Variants in HYOU1 observed in about 807,000 individuals in gnomAD.
HYOU1 encodes the protein hypoxia up-regulated 1.
HYOU1 carries 40 observed loss-of-function variants against 120.5 expected under a neutral mutation model. The observed-to-expected ratio is 0.33, with a 90% CI of 0.26 to 0.43. HYOU1 has a LOEUF of 0.43. Ranked by LOEUF, HYOU1 falls within the 20% of genes least tolerant of loss-of-function variation. The pLI is 1.00. For synonymous variants in HYOU1, 501 were observed against 479.4 expected (o/e 1.05, Z -0.59); for missense variants, 1,085 against 1,278.3 (o/e 0.85, Z 2.31).
In HYOU1 at chr11:119,048,879, C is replaced by A; in HGVS notation, c.2000G>T (p.Ser667Ile). Reference protein sequence around the residue: ...NGDKSEAQKPSEKAEAGPEGV... With the variant: ...NGDKSEAQKPIEKAEAGPEGV... ...CTCAGGCCCTGCCTCTGCCTTCTCA[C>A]TTGGTTTCTGGGTGGGAAGAGTCAG... Residue 667 changes from serine to isoleucine, a missense_variant, in exon 18 of 26, where the codon AGT becomes ATT. By Grantham distance (142) the Ser-to-Ile change is moderately radical. Coordinates refer to ENST00000617285, the MANE Select transcript of HYOU1 (RefSeq NM_006389.5). The surrounding 1 kb of genome is among the most constrained non-coding windows in gnomAD (Gnocchi z 4.7). 6.2e-7 allele frequency: 1 copy of A among 1,606,332 alleles called. No individual in the cohort carries two copies. Among genetic ancestry groups the A allele is most frequent in the Non-Finnish European group, 8.5e-7 (1 of 1,176,676 alleles).
rs1182971434 is a variant in HYOU1 at position 119,055,543 on chromosome 11, C to T, written c.214G>A (p.Val72Met). 5 of 1,613,914 alleles carry T rather than the reference C, an allele frequency of 3.1e-6. No homozygotes were observed. Among genetic ancestry groups the T allele is most frequent in the East Asian group, 2.2e-5 (1 of 44,892 alleles). ...AATCTTTCATTTTCTTTCAGGGTCA[C>T]GATCACCGGTGTTTTCCTCCGAGAT... Reference protein sequence around the residue: ...KESRRKTPVIVTLKENERFFG... With the variant: ...KESRRKTPVIMTLKENERFFG... The change falls in exon 4 of 26, where the codon GTG becomes ATG. Residue 72 changes from valine to methionine, a missense_variant. Physicochemically the swap from Val to Met is conservative, Grantham distance 21. Transcript: ENST00000617285. This position sits in a 1 kb window ranked among gnomAD's most constrained non-coding sequence, Gnocchi z 4.0.
In HYOU1 at chr11:119,048,640, T is replaced by G; in HGVS notation, c.2165+74A>C. 1 of 1,607,194 alleles carries G rather than the reference T, an allele frequency of 6.2e-7. No individual in the cohort carries two copies. The highest frequency in any genetic ancestry group is 1.1e-5 in the South Asian group (1 of 90,602). On this transcript the variant is annotated intron_variant, in intron 18 of 25. Coordinates refer to ENST00000617285, the MANE Select transcript of HYOU1 (RefSeq NM_006389.5). The surrounding 1 kb of genome is among the most constrained non-coding windows in gnomAD (Gnocchi z 4.7). ...AGACTCTGGGTCCGACAGCCCTCCC[T>G]CCCAGGGCGCCATCCCACATCCTGC...
chr11:119,056,836 A>G (rs1944805120), intron 1 of HYOU1, 184 bp downstream of exon 1: 1 of 177,568 alleles, frequency 5.6e-6, no homozygotes, highest in African/African-American at 2.4e-5. Flanking sequence ...ACTCCCGGAA[A>G]CGGATCCCGG....
Position 119,057,180 on chromosome 11 carries a change from G to T in HYOU1, c.-168C>A, listed in dbSNP as rs1235312272. The T allele has an allele frequency of 2.0e-5, 3 of 151,180 alleles. No individual in the cohort carries two copies. The allele number at this position is 151,180 out of a possible 1,614,324, so 9.4% of individuals were successfully genotyped here. A position where few individuals can be genotyped will look rare whatever the true frequency, so the allele number is the denominator to read the frequency against. ...CTCGGCGGCGTCTCGCGCACCAGCC[G>T]GCCCCGGACGCGGCGCGCGCTCATT... On this transcript the variant is annotated 5_prime_UTR_variant, in exon 1 of 26. Coordinates refer to ENST00000617285, the MANE Select transcript of HYOU1 (RefSeq NM_006389.5).
chr11:119,046,265 CTTTTT>C (rs11349624), intron 24 of HYOU1, 147 bp downstream of exon 24: 229 of 494,204 alleles, frequency 4.6e-4, no homozygotes, highest in East Asian at 1.6e-3. Context: ...CGTGCCTGGC[CTTTTT>C]TTTTTTTTTT....
At chr11:119,049,297 C>T in intron 16 of HYOU1, 94 bp from the exon 17 acceptor site, 2 of 1,576,458 alleles carry the variant, frequency 1.3e-6, no homozygotes, top group Middle Eastern at 1.7e-4. Context: ...GGGTTCCATA[C>T]AGGTGACTGC....
At position 119,054,616 on chromosome 11, in the gene HYOU1, G is replaced by A. The variant is rs2133606251; in HGVS notation, c.556C>T (p.Arg186Ter). 1.9e-6 allele frequency: 3 copies of A among 1,614,056 alleles called. No homozygotes were observed. Among genetic ancestry groups the A allele is most frequent in the Non-Finnish European group, 1.7e-6 (2 of 1,180,030 alleles). ...ATACGAGCAGCCTGCAGCACAGCTCGGCGCTCGGCCTGGTTGAAGAAGACT... is the reference window on the plus strand; with the variant it reads ...ATACGAGCAGCCTGCAGCACAGCTCAGCGCTCGGCCTGGTTGAAGAAGACT... ...VPVFFNQAERRAVLQAARMAG... is the reference protein window; with the variant it reads ...VPVFFNQAER Residue 186 changes from arginine (R) to a stop codon, truncating the protein, a stop_gained, in exon 7 of 26, where the codon CGA (arginine) becomes TGA (stop). Coordinates refer to ENST00000617285, the MANE Select transcript of HYOU1 (RefSeq NM_006389.5). LOFTEE classifies it high-confidence loss of function.
In HYOU1 at chr11:119,052,860, G is replaced by A. The variant is rs1944528523; in HGVS notation, c.795-31C>T. On this transcript the variant is annotated intron_variant, in intron 8 of 25. Transcript: ENST00000617285. This position sits in a 1 kb window ranked among gnomAD's most constrained non-coding sequence, Gnocchi z 5.0. ...GAGAAAAGGGAGCAGGGAAAAAAGT[G>A]AAGAACACATGGAGTCCCCGCATCT... 1.9e-6 allele frequency: 3 copies of A among 1,593,862 alleles called. No homozygotes were observed. Among genetic ancestry groups the A allele is most frequent in the Non-Finnish European group, 1.7e-6 (2 of 1,168,700 alleles).
rs2133563341 is a variant in HYOU1, at chr11:119,048,372, TG to T, written c.2254-3del. On this transcript the variant is annotated splice_polypyrimidine_tract_variant and splice_region_variant and intron_variant, in intron 19 of 25. Transcript: ENST00000617285. The surrounding 1 kb of genome is among the most constrained non-coding windows in gnomAD (Gnocchi z 4.7). ...GTACTCGGGCTGGTACAGCTTGTCC[TG>T]GGGAGGGGGACATGTAAACACATGC... 8 of 1,609,598 alleles carry T rather than the reference TG, an allele frequency of 5.0e-6. No individual in the cohort carries two copies. Among genetic ancestry groups the T allele is most frequent in the Non-Finnish European group, 5.1e-6 (6 of 1,179,814 alleles).
At position 119,052,896 on chromosome 11, in the gene HYOU1, C is replaced by T; in HGVS notation, c.795-67G>A. The T allele has an allele frequency of 7.1e-7, 1 of 1,415,990 alleles. No individual in the cohort carries two copies. 87.7% of individuals were successfully genotyped at this position (1,415,990 alleles called of 1,614,324 possible). On this transcript the variant is annotated intron_variant, in intron 8 of 25. Transcript: ENST00000617285. This position sits in a 1 kb window ranked among gnomAD's most constrained non-coding sequence, Gnocchi z 5.0. ...GGAGTCCCCGCATCTGCACAGGAGCCTCTCATCCCCACATGGCACCTTTCC... is the reference window on the plus strand; with the variant it reads ...GGAGTCCCCGCATCTGCACAGGAGCTTCTCATCCCCACATGGCACCTTTCC...
At chr11:119,049,880 C>CT in intron 14 of HYOU1, 43 bp from the exon 15 acceptor site, 1 of 1,567,476 alleles carries the variant, frequency 6.4e-7, no homozygotes, top group South Asian at 1.1e-5. Flanking sequence ...GGCTAATCCA[C>CT]CTTTTCTCCA....
At chr11:119,045,745 C>T in intron 25 of HYOU1, 36 bp downstream of exon 25, 2 of 1,613,404 alleles carry the variant, frequency 1.2e-6, no homozygotes, top group Non-Finnish European at 1.7e-6. Flanking sequence ...TGAGACCCCA[C>T]CAGGCTTCCC....
rs1943992128 is a variant in HYOU1 at position 119,045,178 on chromosome 11, G to A, written c.*415C>T. On this transcript the variant is annotated 3_prime_UTR_variant, in exon 26 of 26. Coordinates refer to ENST00000617285, the MANE Select transcript of HYOU1 (RefSeq NM_006389.5). The stretch of plus-strand genomic sequence containing the variant: ...GGCCTGAAAGGATGCTCATCGCATG[G>A]TGGGAGAGGAAGGGAGGGAAGGAAC... 1 of 459,820 alleles carries A rather than the reference G, an allele frequency of 2.2e-6. No individual in the cohort carries two copies. The highest frequency in any genetic ancestry group is 2.0e-5 in the African/African-American group (1 of 50,504). 28.5% of individuals were successfully genotyped at this position (459,820 alleles called of 1,614,324 possible).
rs141569642 is a variant in HYOU1, at chr11:119,048,641, C to T, written c.2165+73G>A. Reference sequence around the variant, plus strand: ...GACTCTGGGTCCGACAGCCCTCCCTCCCAGGGCGCCATCCCACATCCTGCC... The same window carrying T: ...GACTCTGGGTCCGACAGCCCTCCCTTCCAGGGCGCCATCCCACATCCTGCC... On this transcript the variant is annotated intron_variant, in intron 18 of 25. Coordinates refer to ENST00000617285, the MANE Select transcript of HYOU1 (RefSeq NM_006389.5). The surrounding 1 kb of genome is among the most constrained non-coding windows in gnomAD (Gnocchi z 4.7). 5.2e-5 allele frequency: 84 copies of T among 1,607,228 alleles called. No homozygotes were observed. In the African/African-American group the frequency reaches 1.0e-3, roughly 19 times the overall value.
intron 8 of HYOU1, chr11:119,053,522 C>T (rs116292038): frequency 0.018 from 2,697 of 152,366 alleles, 67 homozygotes; most frequent in African/African-American, 0.06. Context: ...ATGGAGCCAG[C>T]GACAGGTTTT....
At position 119,045,091 on chromosome 11, in the gene HYOU1, G is replaced by A; in HGVS notation, c.*502C>T. 2.2e-6 allele frequency: 1 copy of A among 452,018 alleles called. No individual in the cohort carries two copies. Among genetic ancestry groups the A allele is most frequent in the South Asian group, 1.6e-5 (1 of 64,492 alleles). The allele number at this position is 452,018 out of a possible 1,614,324, so 28.0% of individuals were successfully genotyped here. On this transcript the variant is annotated 3_prime_UTR_variant, in exon 26 of 26. Transcript: ENST00000617285. ...TCAGAGCAAGAGAAGCCCGCAGAGGGAGGAAAGAGCACAGATAGGCACTCA... is the reference window on the plus strand; with the variant it reads ...TCAGAGCAAGAGAAGCCCGCAGAGGAAGGAAAGAGCACAGATAGGCACTCA...
chr11:119,054,415 C>G, intron 7 of HYOU1, 79 bp downstream of exon 7: 1 of 1,469,408 alleles, frequency 6.8e-7, no homozygotes, highest in East Asian at 2.3e-5. Context: ...CCATGCAAAC[C>G]AGATGCAAAA....
rs374558947 is a variant in HYOU1, at chr11:119,047,814, C to A, written c.2515G>T (p.Ala839Ser). 1.9e-6 allele frequency: 3 copies of A among 1,613,390 alleles called. No homozygotes were observed. The highest frequency in any genetic ancestry group is 2.5e-6 in the Non-Finnish European group (3 of 1,179,744). ...LNHSSMFLKG[A>S]RLIPEMDQIF... ...TGGTCCATCTCTGGGATGAGCCGGG[C>A]CCCCCTGGAAGCCAGAAAGGAGACC... Residue 839 changes from alanine (A) to serine (S), a missense_variant, in exon 22 of 26, where the codon GCC becomes TCC. By Grantham distance (99) the Ala-to-Ser change is moderately conservative. Around this residue, in one of 4 missense-constraint regions of HYOU1, gnomAD observed 516 missense variants for 517.1 expected, o/e 1.00. Transcript: ENST00000617285.
rs140868450 is a variant in HYOU1, at chr11:119,048,296, G to A, written c.2328C>T (p.Ser776=). ...EQREEISGKL[S]AASTWLEDEG... ...CATCCTCCAGCCAGGTGGATGCGGC[G>A]CTGAGCTTCCCAGAGATCTCCTCAC... Residue 776 remains serine (S), a synonymous_variant, in exon 20 of 26, where the codon AGC becomes AGT. Coordinates refer to ENST00000617285, the MANE Select transcript of HYOU1 (RefSeq NM_006389.5). This position sits in a 1 kb window ranked among gnomAD's most constrained non-coding sequence, Gnocchi z 4.7. 3.5e-4 allele frequency: 556 copies of A among 1,611,154 alleles called. No homozygotes were observed. Among genetic ancestry groups the A allele is most frequent in the Non-Finnish European group, 4.3e-4 (511 of 1,179,986 alleles).
Sources: allele counts gnomAD v4.1 joint callset, GRCh38; gene constraint gnomAD v4.1.1; regional missense constraint gnomAD v4.1.1; non-coding constraint Gnocchi (gnomAD v3.1); transcripts MANE v1.5; gene names NCBI Gene and HGNC (gene_info 2026-07-23, HGNC 2026-07-21).